Variants in GALNTL6 observed in about 807,000 individuals in gnomAD.
The protein encoded by GALNTL6 is polypeptide N-acetylgalactosaminyltransferase-like 6.
GALNTL6 carries 46 observed loss-of-function variants against 73.7 expected under a neutral mutation model. The ratio of observed to expected loss-of-function variants is 0.62; its 90% CI spans 0.49 to 0.80. The LOEUF (loss-of-function observed/expected upper bound fraction) is 0.80, where lower values mean the gene tolerates loss of function less well. GALNTL6 is among the 30% of genes least tolerant of loss of function. The probability of loss-of-function intolerance (pLI) is 0.00; values close to 1 mark genes in which losing one functional copy is unlikely to be tolerated. For synonymous variants in GALNTL6, 259 were observed against 263.7 expected (o/e 0.98, Z 0.17); for missense variants, 604 against 755.0 (o/e 0.80, Z 2.34).
intron 8 of GALNTL6, among the ~76,000 whole-genome samples, chr4:172,906,889 A>G (rs191012718): frequency 1.3e-5 from 2 of 152,362 alleles, no homozygotes; most frequent in East Asian, 1.9e-4. Flanking sequence ...AGACCTATCC[A>G]GGAAAATTTC....
intron 5 of GALNTL6, among the ~76,000 whole-genome samples, chr4:172,749,751 G>T (rs183118117): frequency 6.6e-6 from 1 of 151,164 alleles, no homozygotes; most frequent in East Asian, 1.9e-4. Context: ...AATTTGAAAA[G>T]AATTAGCATC....
intron 5 of GALNTL6, among the ~76,000 whole-genome samples, chr4:172,674,519 G>T (rs1033805839): frequency 6.6e-6 from 1 of 152,116 alleles, no homozygotes; most frequent in Admixed American, 6.5e-5. Flanking sequence ...TGTCTTGCTA[G>T]GTTGAGGAAC....
At chr4:172,806,923 A>G (rs1359458610) in intron 5 of GALNTL6, among the ~76,000 whole-genome samples, 1 of 152,238 alleles carries the variant, frequency 6.6e-6, no homozygotes, top group African/African-American at 2.4e-5. Flanking sequence ...TAATGAGATT[A>G]TACAATTTTC....
chr4:172,877,207 T>G (rs772163859), intron 7 of GALNTL6, among the ~76,000 whole-genome samples: 2 of 152,148 alleles, frequency 1.3e-5, no homozygotes, highest in Non-Finnish European at 2.9e-5. Context: ...TTTTTTATTA[T>G]TCTGACCCCC....
chr4:172,837,251 A>C (rs1742958317), intron 7 of GALNTL6, among the ~76,000 whole-genome samples: 1 of 152,142 alleles, frequency 6.6e-6, no homozygotes. Flanking sequence ...AAACATCAAA[A>C]TATTTGTGGT....
chr4:172,755,250 A>ATAGATAGATAGG (rs1737686040), intron 5 of GALNTL6, among the ~76,000 whole-genome samples: 1 of 151,598 alleles, frequency 6.6e-6, no homozygotes, highest in Admixed American at 6.6e-5. Flanking sequence ...AGATAGATAG[A>ATAGATAGATAGG]TAGATAGATA....
intron 5 of GALNTL6, among the ~76,000 whole-genome samples, chr4:172,372,574 T>C (rs1411508488): frequency 6.6e-6 from 1 of 152,186 alleles, no homozygotes; most frequent in Non-Finnish European, 1.5e-5. Flanking sequence ...GTTGTGGGGT[T>C]GTCACACGAG....
At chr4:172,176,346 A>AAAAAAAAAAAAAAAAAAG (rs1463765997) in intron 2 of GALNTL6, among the ~76,000 whole-genome samples, 1 of 147,800 alleles carries the variant, frequency 6.8e-6, no homozygotes, top group Non-Finnish European at 1.5e-5. Context: ...TCAAAAAAAA[A>AAAAAAAAAAAAAAAAAAG]AAAAAAAAAA....
chr4:172,554,456 T>A (rs887949077), intron 5 of GALNTL6, among the ~76,000 whole-genome samples: 1 of 151,954 alleles, frequency 6.6e-6, no homozygotes, highest in African/African-American at 2.4e-5. Flanking sequence ...AAAATTTTAA[T>A]TGAAGTATAA....
chr4:171,993,182 G>T (rs552042553), intron 2 of GALNTL6, among the ~76,000 whole-genome samples: 1 of 138,916 alleles, frequency 7.2e-6, no homozygotes, highest in Non-Finnish European at 1.6e-5. Context: ...CATATAAGAT[G>T]ATGAGAGTCA....
intron 2 of GALNTL6, among the ~76,000 whole-genome samples, chr4:171,884,786 T>C (rs1257218382): frequency 2.6e-5 from 4 of 152,142 alleles, no homozygotes; most frequent in African/African-American, 9.7e-5. Context: ...CTGGGCACAG[T>C]GGCTCATGCA....
At chr4:172,362,552 T>C (rs1742409877) in intron 5 of GALNTL6, among the ~76,000 whole-genome samples, 1 of 152,068 alleles carries the variant, frequency 6.6e-6, no homozygotes, top group African/African-American at 2.4e-5. Context: ...TCCTCAGGGT[T>C]CCACTCATTA....
At chr4:172,905,262 T>C (rs1746823443) in intron 8 of GALNTL6, among the ~76,000 whole-genome samples, 1 of 152,194 alleles carries the variant, frequency 6.6e-6, no homozygotes, top group Non-Finnish European at 1.5e-5. Flanking sequence ...TAACCTAATT[T>C]ATTTTAGCTG....
intron 7 of GALNTL6, among the ~76,000 whole-genome samples, chr4:172,876,585 G>C (rs188062485): frequency 1.1e-4 from 17 of 152,258 alleles, no homozygotes; most frequent in Admixed American, 2.6e-4. Context: ...CCCAGGAACA[G>C]CTTCTATCTT....
At chr4:172,461,251 A>C (rs960662570) in intron 5 of GALNTL6, among the ~76,000 whole-genome samples, 1 of 152,222 alleles carries the variant, frequency 6.6e-6, no homozygotes, top group Non-Finnish European at 1.5e-5. Context: ...GCATTAGTAG[A>C]AAAACCTAAT....
intron 5 of GALNTL6, among the ~76,000 whole-genome samples, chr4:172,589,718 C>T (rs1187365749): frequency 2.0e-5 from 3 of 152,196 alleles, no homozygotes; most frequent in Non-Finnish European, 2.9e-5. Flanking sequence ...CCTACATCTC[C>T]CAGCTATTTT....
intron 3 of GALNTL6, among the ~76,000 whole-genome samples, chr4:172,267,094 G>A (rs2111048535): frequency 6.6e-6 from 1 of 152,168 alleles, no homozygotes; most frequent in East Asian, 1.9e-4. Flanking sequence ...ATTGCTTCAG[G>A]TAATAAGCCT....
intron 2 of GALNTL6, among the ~76,000 whole-genome samples, chr4:172,197,223 A>G (rs1391769270): frequency 6.6e-6 from 1 of 152,168 alleles, no homozygotes; most frequent in African/African-American, 2.4e-5. Context: ...CTAAGAATGC[A>G]TCTAACAAGG....
intron 5 of GALNTL6, among the ~76,000 whole-genome samples, chr4:172,747,460 T>A (rs1272035322): frequency 6.6e-6 from 1 of 151,912 alleles, no homozygotes; most frequent in Non-Finnish European, 1.5e-5. Flanking sequence ...ATTAAAACTA[T>A]AAGAAGATAT....
Sources: allele counts gnomAD v4.1 joint callset (sites outside exome capture counted in the v4.1 genomes callset), GRCh38; gene constraint gnomAD v4.1.1; transcripts MANE v1.5; gene names NCBI Gene and HGNC (gene_info 2026-07-23, HGNC 2026-07-21).